DPP6: variants seen among roughly 807,000 people sequenced by gnomAD.
DPP6 encodes dipeptidyl peptidase like 6.
In DPP6, 69 loss-of-function variants were observed where a neutral mutation model predicts 122.6. The observed-to-expected ratio is 0.56, with a 90% CI of 0.46 to 0.69. The LOEUF (loss-of-function observed/expected upper bound fraction) is 0.69. DPP6 is among the 30% of genes least tolerant of loss of function. DPP6 has a pLI of 0.00. For missense variants in DPP6, 928 were observed against 1,116.9 expected (o/e 0.83, Z 2.41); for synonymous variants, 418 against 433.1 (o/e 0.97, Z 0.43).
In DPP6 at chr7:154,182,655, G is replaced by A. The variant is rs552115283; in HGVS notation, c.243+129592G>A. ...GGACAGAAAAGCCAGCAGCCTTTCC[G>A]GAGGTGAAGTATCCTCCGTCTTCAT... On this transcript the variant is annotated intron_variant, in intron 1 of 25. Transcript: ENST00000377770. Among the ~76,000 whole-genome samples, 6 of 152,194 alleles carry A rather than the reference G, an allele frequency of 3.9e-5. No individual in the cohort carries two copies. The East Asian group carries it at 1.2e-3, about 29-fold the overall frequency.
the DPP6 span, among the ~76,000 whole-genome samples, chr7:153,872,692 G>C: frequency 0.062 from 9,497 of 152,184 alleles, 466 homozygotes; most frequent in East Asian, 0.22. Flanking sequence ...TATCATCTTA[G>C]ATGGGGAAAC....
intron 7 of DPP6, among the ~76,000 whole-genome samples, chr7:154,696,059 G>A (rs1266696757): frequency 6.6e-6 from 1 of 152,182 alleles, no homozygotes; most frequent in African/African-American, 2.4e-5. Flanking sequence ...GGGCCCCTGT[G>A]GCTTCAGTCC....
chr7:154,820,400 G>A (rs1313801237), intron 16 of DPP6, among the ~76,000 whole-genome samples: 1 of 152,092 alleles, frequency 6.6e-6, no homozygotes, highest in African/African-American at 2.4e-5. Context: ...GACTGCTCAA[G>A]ACTTACAATA....
chr7:154,169,243 A>G (rs964072502), intron 1 of DPP6, among the ~76,000 whole-genome samples: 3 of 152,112 alleles, frequency 2.0e-5, no homozygotes, highest in Non-Finnish European at 4.4e-5. Flanking sequence ...GGCCTGGTAG[A>G]GTCTTATGCC....
intron 6 of DPP6, among the ~76,000 whole-genome samples, chr7:154,653,492 TGATA>T (rs535495757): frequency 4.3e-4 from 66 of 152,206 alleles, no homozygotes; most frequent in African/African-American, 1.4e-3. Flanking sequence ...AATCCATGGA[TGATA>T]GATAGATAGA....
At chr7:154,225,596 G>A (rs1800548470) in intron 1 of DPP6, among the ~76,000 whole-genome samples, 1 of 152,024 alleles carries the variant, frequency 6.6e-6, no homozygotes. Context: ...TCATTGGTTT[G>A]GGAGTCTACT....
intron 1 of DPP6, among the ~76,000 whole-genome samples, chr7:154,273,455 A>G (rs1393522825): frequency 6.6e-6 from 1 of 152,220 alleles, no homozygotes; most frequent in African/African-American, 2.4e-5. Flanking sequence ...TAGGATCATC[A>G]TTAGCTTTAA....
chr7:154,743,206 T>G (rs893397395), intron 8 of DPP6, among the ~76,000 whole-genome samples: 1 of 152,198 alleles, frequency 6.6e-6, no homozygotes, highest in African/African-American at 2.4e-5. Context: ...TTCCACCTGC[T>G]GGGCCTTTAG....
rs1274465432 is a variant in DPP6 at position 154,877,888 on chromosome 7, A to G, written c.2078+1788A>G. On this transcript the variant is annotated intron_variant, in intron 20 of 25. Coordinates refer to ENST00000377770, the MANE Select transcript of DPP6 (RefSeq NM_130797.4). This position sits in a 1 kb window ranked among gnomAD's most constrained non-coding sequence, Gnocchi z 5.2. The stretch of plus-strand genomic sequence containing the variant: ...AGGGAATGCTGGGGTTCAGTGTGGA[A>G]GGAGGATGGGTGGGTGGCTGCTGGG... Among the ~76,000 whole-genome samples the G allele has an allele frequency of 2.0e-5, 3 of 152,110 alleles. No individual in the cohort carries two copies. The highest frequency in any genetic ancestry group is 4.4e-5 in the Non-Finnish European group (3 of 68,008).
At chr7:154,685,458 G>T (rs2131188685) in intron 7 of DPP6, among the ~76,000 whole-genome samples, 1 of 152,320 alleles carries the variant, frequency 6.6e-6, no homozygotes, top group Non-Finnish European at 1.5e-5. Flanking sequence ...GGGCGTCAGG[G>T]TATTTGAAAG....
At chr7:154,303,353 C>T (rs1036051614) in intron 1 of DPP6, among the ~76,000 whole-genome samples, 1 of 152,156 alleles carries the variant, frequency 6.6e-6, no homozygotes, top group African/African-American at 2.4e-5. Context: ...TCTTTCTGAG[C>T]CTGTTTACTC....
In DPP6 at chr7:154,172,704, G is replaced by A. The variant is rs181338553; in HGVS notation, c.243+119641G>A. ...CAACCTCCGCCTCCTGGGGGCAAGT[G>A]ATCCTCCCACTTCAGCCTCCCGAGT... On this transcript the variant is annotated intron_variant, in intron 1 of 25. Transcript: ENST00000377770. 1.2e-4 allele frequency among the ~76,000 whole-genome samples: 18 copies of A among 151,786 alleles called. No individual in the cohort carries two copies. In the East Asian group the frequency reaches 3.3e-3, roughly 28 times the overall value.
chr7:154,548,016 C>G (rs919042419), intron 4 of DPP6, among the ~76,000 whole-genome samples: 13 of 150,478 alleles, frequency 8.6e-5, no homozygotes, highest in Non-Finnish European at 1.6e-4. Flanking sequence ...CAAGACCAGC[C>G]TGGCCAACAT....
chr7:154,082,937 C>T (rs1024861403), intron 1 of DPP6, among the ~76,000 whole-genome samples: 3 of 147,514 alleles, frequency 2.0e-5, no homozygotes, highest in Non-Finnish European at 4.4e-5. Flanking sequence ...CAAGCTCTGT[C>T]TTCTGGGTTC....
chr7:154,000,986 G>A (rs1054432527), intron 1 of DPP6, among the ~76,000 whole-genome samples: 12 of 152,182 alleles, frequency 7.9e-5, no homozygotes, highest in African/African-American at 2.7e-4. Flanking sequence ...AGATGACAAG[G>A]TGGGGGCAGT....
rs376198195 is a variant in DPP6 at position 154,566,923 on chromosome 7, A to G, written c.627+7A>G. 1.3e-6 allele frequency: 2 copies of G among 1,589,040 alleles called. No individual in the cohort carries two copies. Among genetic ancestry groups the G allele is most frequent in the African/African-American group, 2.7e-5 (2 of 74,482 alleles). Reference sequence around the variant, plus strand: ...TTCATACAATGTGGAACCCGTGAGTATTATCCTTTACTGCCTACAAAATAA... The same window carrying G: ...TTCATACAATGTGGAACCCGTGAGTGTTATCCTTTACTGCCTACAAAATAA... On this transcript the variant is annotated splice_region_variant and intron_variant, in intron 5 of 25. Coordinates refer to ENST00000377770, the MANE Select transcript of DPP6 (RefSeq NM_130797.4).
intron 1 of DPP6, among the ~76,000 whole-genome samples, chr7:153,971,277 T>C (rs1796002200): frequency 6.6e-6 from 1 of 152,062 alleles, no homozygotes; most frequent in Admixed American, 6.6e-5. Context: ...AAATTGACTT[T>C]TTATCCTACA....
intron 1 of DPP6, 148 bp downstream of exon 1, chr7:154,053,211 C>T (rs1800527086): frequency 1.5e-6 from 1 of 687,162 alleles, no homozygotes; most frequent in Non-Finnish European, 1.7e-6. Flanking sequence ...AGACAGGCTC[C>T]GTGGCGCCAG....
chr7:154,174,354 G>T (rs1251309408), intron 1 of DPP6, among the ~76,000 whole-genome samples: 1 of 152,236 alleles, frequency 6.6e-6, no homozygotes, highest in African/African-American at 2.4e-5. Flanking sequence ...AAAATGCATA[G>T]CATAGAATTT....
Sources: allele counts gnomAD v4.1 joint callset (sites outside exome capture counted in the v4.1 genomes callset), GRCh38; gene constraint gnomAD v4.1.1; non-coding constraint Gnocchi (gnomAD v3.1); transcripts MANE v1.5; gene names NCBI Gene and HGNC (gene_info 2026-07-23, HGNC 2026-07-21).